Variants in TECTA observed in about 807,000 individuals in gnomAD.
The protein encoded by TECTA is tectorin alpha.
Under a neutral mutation model 216.8 loss-of-function variants are expected in TECTA, and 128 were observed. That is an observed-to-expected ratio of 0.59 (90% confidence interval 0.51 to 0.68). The LOEUF is 0.68. Ranked by LOEUF, TECTA falls within the 30% of genes least tolerant of loss-of-function variation. The pLI, the probability that TECTA is intolerant of heterozygous loss-of-function variation, is 0.00. For synonymous variants in TECTA, 1,089 were observed against 1,117.1 expected (o/e 0.97, Z 0.50); for missense variants, 2,551 against 2,786.2 (o/e 0.92, Z 1.90).
chr11:121,155,112 A>G (rs1304215403), intron 13 of TECTA, among the ~76,000 whole-genome samples: 2 of 152,198 alleles, frequency 1.3e-5, no homozygotes, highest in Non-Finnish European at 2.9e-5. Context: ...GGACTTGTTC[A>G]TAGAACAAAT....
At chr11:121,187,755 AT>A in intron 20 of TECTA, 76 bp from the exon 21 acceptor site, 1 of 1,560,624 alleles carries the variant, frequency 6.4e-7, no homozygotes, top group East Asian at 2.2e-5. Flanking sequence ...GAAAAGTGAA[AT>A]TTTGAACTGA....
Position 121,155,218 on chromosome 11 carries a change from C to T in TECTA, c.4305+2138C>T, listed in dbSNP as rs555152180. On this transcript the variant is annotated intron_variant, in intron 13 of 23. Coordinates refer to ENST00000392793, the MANE Select transcript of TECTA (RefSeq NM_005422.4). ...TGTATGATTCAAGTAAAGAAAGCAG[C>T]GTTGGGCCAGCCATTTTACCGTGAT... is the stretch of plus-strand genomic sequence containing the variant. 2.0e-4 allele frequency among the ~76,000 whole-genome samples: 31 copies of T among 152,312 alleles called. No homozygotes were observed. The South Asian group carries it at 6.4e-3, about 32-fold the overall frequency.
At chr11:121,125,176 C>A in intron 7 of TECTA, 126 bp from the exon 8 acceptor site, 1 of 993,328 alleles carries the variant, frequency 1.0e-6, no homozygotes, top group Non-Finnish European at 1.6e-6. Flanking sequence ...CCACTGGAGC[C>A]TGGACCGTTT....
chr11:121,162,678 T>A (rs939871426), intron 16 of TECTA, among the ~76,000 whole-genome samples: 1 of 152,176 alleles, frequency 6.6e-6, no homozygotes, highest in African/African-American at 2.4e-5. Context: ...CAGTGTGGGA[T>A]TCCTGATGGA....
intron 20 of TECTA, among the ~76,000 whole-genome samples, chr11:121,184,174 C>A (rs1035629470): frequency 6.6e-6 from 1 of 152,154 alleles, no homozygotes; most frequent in African/African-American, 2.4e-5. Context: ...ATGCAAAAAC[C>A]AAGGCATTTA....
chr11:121,107,501 G>T (rs1463345788), intron 3 of TECTA, among the ~76,000 whole-genome samples: 1 of 152,164 alleles, frequency 6.6e-6, no homozygotes, highest in Non-Finnish European at 1.5e-5. Context: ...CTTGGTCCAG[G>T]CCTTGATAAC....
At chr11:121,154,049 GTACTT>G (rs1946918742) in intron 13 of TECTA, among the ~76,000 whole-genome samples, 2 of 152,258 alleles carry the variant, frequency 1.3e-5, no homozygotes, top group East Asian at 3.9e-4. Flanking sequence ...GAGAAACAAT[GTACTT>G]TAAAGAACAA....
At chr11:121,129,585 T>C (rs539027729) in intron 9 of TECTA, 53 bp from the exon 10 acceptor site, 3 of 1,582,628 alleles carry the variant, frequency 1.9e-6, no homozygotes, top group African/African-American at 1.3e-5. Context: ...GCCTAGGAAA[T>C]GGAAAGTGCT....
chr11:121,178,509 T>C (rs1217306897), intron 20 of TECTA, among the ~76,000 whole-genome samples: 1 of 142,904 alleles, frequency 7.0e-6, no homozygotes, highest in Non-Finnish European at 1.5e-5. Context: ...AGATATTGGC[T>C]TGTAGTTAGT....
intron 10 of TECTA, among the ~76,000 whole-genome samples, chr11:121,130,430 T>A (rs946501766): frequency 3.9e-5 from 6 of 152,204 alleles, no homozygotes; most frequent in Non-Finnish European, 1.5e-5. Context: ...CAGTACCTCC[T>A]CACTGCAGAA....
In TECTA at chr11:121,160,395, C is replaced by T; in HGVS notation, c.4950C>T (p.Ser1650=). ...PVVSSVVLAQ[S]WKTNGMQKRP... is the part of the protein sequence containing the mutation. ...TAAGCAGCGTGGTGCTGGCCCAGAGCTGGAAAACCAATGGCATGCAGAAGA... is the reference window on the plus strand; with the variant it reads ...TAAGCAGCGTGGTGCTGGCCCAGAGTTGGAAAACCAATGGCATGCAGAAGA... Residue 1650 remains serine, a synonymous_variant, in exon 15 of 24, where the codon AGC becomes AGT. Transcript: ENST00000392793. 6.2e-7 allele frequency: 1 copy of T among 1,612,610 alleles called. No individual in the cohort carries two copies. The highest frequency in any genetic ancestry group is 8.5e-7 in the Non-Finnish European group (1 of 1,179,912).
intron 11 of TECTA, among the ~76,000 whole-genome samples, chr11:121,139,968 C>T (rs965461512): frequency 6.6e-6 from 1 of 152,156 alleles, no homozygotes; most frequent in African/African-American, 2.4e-5. Flanking sequence ...CATATTTGTC[C>T]TTTACTCTTT....
rs1378227744 is a variant in TECTA, at chr11:121,105,313, A to C, written c.65-518A>C. ...AGGTCATTCATGGGCCAATTGCTAC[A>C]AATCCTCTCCTCCCACTTTTGTCTC... is the stretch of plus-strand genomic sequence containing the variant. On this transcript the variant is annotated intron_variant, in intron 2 of 23. Coordinates refer to ENST00000392793, the MANE Select transcript of TECTA (RefSeq NM_005422.4). This position sits in a 1 kb window ranked among gnomAD's most constrained non-coding sequence, Gnocchi z 5.3. Among the ~76,000 whole-genome samples, 3 of 152,224 alleles carry C rather than the reference A, an allele frequency of 2.0e-5. No homozygotes were observed. The highest frequency in any genetic ancestry group is 7.2e-5 in the African/African-American group (3 of 41,458).
At chr11:121,104,928 A>G (rs1946378192) in intron 2 of TECTA, among the ~76,000 whole-genome samples, 2 of 152,218 alleles carry the variant, frequency 1.3e-5, no homozygotes, top group African/African-American at 4.8e-5. Context: ...ACAGAGGCAA[A>G]GAAAAGTAAC....
rs121909063 is a variant in TECTA at position 121,168,135 on chromosome 11, C to A, written c.5668C>A (p.Arg1890Ser). 1.9e-6 allele frequency: 3 copies of A among 1,614,148 alleles called. No individual in the cohort carries two copies. Among genetic ancestry groups the A allele is most frequent in the Non-Finnish European group, 2.5e-6 (3 of 1,180,026 alleles). The part of the protein sequence containing the change: ...NNTGNIITRD[R>S]TINVEFSCAY... ...CACTGGCAACATCATCACCAGGGAC[C>A]GCACGATCAATGTGGAATTTTCATG... The change falls in exon 19 of 24, where the codon CGC becomes AGC. Residue 1890 changes from arginine to serine, a missense_variant. By Grantham distance (110) the Arg-to-Ser change is moderately radical. Coordinates refer to ENST00000392793, the MANE Select transcript of TECTA (RefSeq NM_005422.4).
intron 12 of TECTA, among the ~76,000 whole-genome samples, chr11:121,146,853 G>A (rs926227560): frequency 1.3e-5 from 2 of 152,164 alleles, no homozygotes; most frequent in Admixed American, 1.3e-4. Flanking sequence ...CATGCTAAAC[G>A]TTTTATCAAT....
chr11:121,155,966 G>T (rs1281804015), intron 13 of TECTA, among the ~76,000 whole-genome samples: 2 of 152,108 alleles, frequency 1.3e-5, no homozygotes, highest in Non-Finnish European at 2.9e-5. Context: ...GAAAAGAATA[G>T]CTGCCTCCAG....
rs1399898938 is a variant in TECTA, at chr11:121,190,857, C to T, written c.*51C>T. Reference sequence around the variant, plus strand: ...ACTGTAATTTACTTACTTCAACACCCTGTAGGATAAAAAGTGTGTGCCCTT... The same window carrying T: ...ACTGTAATTTACTTACTTCAACACCTTGTAGGATAAAAAGTGTGTGCCCTT... On this transcript the variant is annotated 3_prime_UTR_variant, in exon 24 of 24. Coordinates refer to ENST00000392793, the MANE Select transcript of TECTA (RefSeq NM_005422.4). 11 of 1,376,444 alleles carry T rather than the reference C, an allele frequency of 8.0e-6. No individual in the cohort carries two copies. The highest frequency in any genetic ancestry group is 2.8e-5 in the African/African-American group (2 of 70,450). 85.3% of individuals were successfully genotyped at this position (1,376,444 alleles called of 1,614,324 possible).
At chr11:121,111,859 G>A (rs1193292260) in intron 4 of TECTA, among the ~76,000 whole-genome samples, 1 of 152,172 alleles carries the variant, frequency 6.6e-6, no homozygotes, top group South Asian at 2.1e-4. Context: ...TATCACAAAC[G>A]CCATCAGCCG....
Sources: allele counts gnomAD v4.1 joint callset (sites outside exome capture counted in the v4.1 genomes callset), GRCh38; gene constraint gnomAD v4.1.1; non-coding constraint Gnocchi (gnomAD v3.1); transcripts MANE v1.5; gene names NCBI Gene and HGNC (gene_info 2026-07-23, HGNC 2026-07-21).